The following AGT variants were observed in gnomAD, a reference collection of about 807,000 sequenced individuals.
The protein encoded by AGT is alpha-1 antiproteinase, antitrypsin.
In AGT, 26 loss-of-function variants were observed where a neutral mutation model predicts 28.1. The observed-to-expected ratio is 0.92, with a 90% CI of 0.68 to 1.28. The LOEUF is 1.28. AGT is among the 50% of genes most tolerant of loss of function. The probability of loss-of-function intolerance (pLI) is 0.00; values close to 1 mark genes in which losing one functional copy is unlikely to be tolerated. For synonymous variants in AGT, 259 were observed against 259.6 expected (o/e 1.00, Z 0.02); for missense variants, 596 against 592.3 (o/e 1.01, Z -0.06).
intron 1 of AGT, among the ~76,000 whole-genome samples, chr1:230,724,649 C>A (rs144177338): frequency 6.6e-6 from 1 of 151,978 alleles, no homozygotes; most frequent in Admixed American, 6.6e-5. Flanking sequence ...CATGGCAAAA[C>A]CCCATCTATA....
chr1:230,745,038 C>T (rs1216240924), intron 1 of AGT, among the ~76,000 whole-genome samples: 1 of 152,238 alleles, frequency 6.6e-6, no homozygotes, highest in Non-Finnish European at 1.5e-5. Context: ...GGCAATGGGA[C>T]ACTCCTGGGC....
chr1:230,742,323 T>C (rs946676434), intron 1 of AGT, among the ~76,000 whole-genome samples: 2 of 152,228 alleles, frequency 1.3e-5, no homozygotes, highest in Non-Finnish European at 2.9e-5. Context: ...TTCTTTTTTC[T>C]TTTTCTTTTT....
At chr1:230,723,420 C>G (rs1663882979) in intron 1 of AGT, among the ~76,000 whole-genome samples, 1 of 152,178 alleles carries the variant, frequency 6.6e-6, no homozygotes, top group African/African-American at 2.4e-5. Context: ...TTCAAGAATT[C>G]AATTCTATTA....
At chr1:230,720,490 A>C (rs1360073255) in intron 1 of AGT, among the ~76,000 whole-genome samples, 1 of 148,594 alleles carries the variant, frequency 6.7e-6, no homozygotes, top group African/African-American at 2.5e-5. Context: ...GGAGGCAGCC[A>C]AATGCCTAGG....
At chr1:230,729,226 C>A (rs1268488091) in intron 1 of AGT, among the ~76,000 whole-genome samples, 2 of 152,214 alleles carry the variant, frequency 1.3e-5, no homozygotes, top group African/African-American at 4.8e-5. Context: ...CCGCACTCAG[C>A]AACAGCCTGT....
intron 1 of AGT, among the ~76,000 whole-genome samples, chr1:230,731,768 G>A (rs990321181): frequency 2.0e-5 from 3 of 152,180 alleles, no homozygotes; most frequent in African/African-American, 4.8e-5. Context: ...TCAGGAGGCT[G>A]AGGAAGGAGA....
intron 1 of AGT, among the ~76,000 whole-genome samples, chr1:230,740,460 A>G (rs1359095575): frequency 6.6e-6 from 1 of 152,184 alleles, no homozygotes; most frequent in Non-Finnish European, 1.5e-5. Flanking sequence ...TTCTGGCTCA[A>G]ACACCTCTGA....
rs1247167295 is a variant in AGT, at chr1:230,710,429, C to G, written c.395G>C (p.Gly132Ala). ...TCCCAGATAGAGAGAGGCCAGGGTG[C>G]CAAAGACAGCCGTTGGGGAGAGGAC... ...ATVLSPTAVF[G>A]TLASLYLGAL... The change falls in exon 2 of 5, where the codon GGC becomes GCC. Residue 132 changes from glycine to alanine, a missense_variant. By Grantham distance (60) the Gly-to-Ala change is moderately conservative. Coordinates refer to ENST00000366667, the MANE Select transcript of AGT (RefSeq NM_001384479.1). The G allele has an allele frequency of 6.2e-7, 1 of 1,614,096 alleles. No homozygotes were observed. Among genetic ancestry groups the G allele is most frequent in the Non-Finnish European group, 8.5e-7 (1 of 1,180,030 alleles).
At position 230,712,862 on chromosome 1, in the gene AGT, C is replaced by T. The variant is rs146665257; in HGVS notation, c.-31+1224G>A. Among the ~76,000 whole-genome samples, 42 of 152,244 alleles carry T rather than the reference C, an allele frequency of 2.8e-4. 1 individual carries two copies. The highest frequency in any genetic ancestry group is 3.4e-3 in the Middle Eastern group (1 of 294). ...GACACCCTCGCCCTGAGTGCCCCTC[C>T]GCCTTCTCCTCTCCTGCCCCTGCCT... On this transcript the variant is annotated intron_variant, in intron 1 of 4. Coordinates refer to ENST00000366667, the MANE Select transcript of AGT (RefSeq NM_001384479.1).
At chr1:230,741,034 A>C (rs1163511647) in intron 1 of AGT, among the ~76,000 whole-genome samples, 1 of 152,194 alleles carries the variant, frequency 6.6e-6, no homozygotes, top group Non-Finnish European at 1.5e-5. Context: ...AGATCTGTGC[A>C]TAGCATCAAC....
At position 230,704,100 on chromosome 1, in the gene AGT, AC is replaced by A. The variant is rs1428209294; in HGVS notation, c.1242+92del. On this transcript the variant is annotated intron_variant, in intron 4 of 4. Coordinates refer to ENST00000366667, the MANE Select transcript of AGT (RefSeq NM_001384479.1). ...CGCTCCCTCTTGCCCTGCTGGCCCC[AC>A]CCATAGCCTCCTCTGTGTCCCTTAC... The A allele has an allele frequency of 1.3e-5, 20 of 1,595,394 alleles. No individual in the cohort carries two copies. In the South Asian group the frequency reaches 2.1e-4, roughly 17 times the overall value.
intron 1 of AGT, among the ~76,000 whole-genome samples, chr1:230,742,408 C>T (rs1044676214): frequency 2.8e-4 from 42 of 152,162 alleles, no homozygotes; most frequent in African/African-American, 6.0e-4. Context: ...CTCCACCTCC[C>T]GGGTTCAAGC....
chr1:230,709,137 A>G (rs1372385001), intron 2 of AGT, among the ~76,000 whole-genome samples: 1 of 152,178 alleles, frequency 6.6e-6, no homozygotes, highest in Non-Finnish European at 1.5e-5. Flanking sequence ...GCAGCTCCAA[A>G]TCCTAGGCAT....
At chr1:230,745,205 T>C (rs1664326153) in intron 1 of AGT, among the ~76,000 whole-genome samples, 1 of 152,150 alleles carries the variant, frequency 6.6e-6, no homozygotes, top group Non-Finnish European at 1.5e-5. Context: ...AAGGAGACCA[T>C]GAAATTCAGC....
At chr1:230,713,838 C>T (rs1248347646) in intron 1 of AGT, among the ~76,000 whole-genome samples, 7 of 152,178 alleles carry the variant, frequency 4.6e-5, no homozygotes, top group Admixed American at 1.3e-4. Context: ...AGGACCCTAA[C>T]TTTTCTCAGC....
At chr1:230,705,333 C>A (rs1663351759) in intron 3 of AGT, among the ~76,000 whole-genome samples, 1 of 152,200 alleles carries the variant, frequency 6.6e-6, no homozygotes, top group African/African-American at 2.4e-5. Flanking sequence ...TCACTCAATG[C>A]CTGCCTCTGG....
At chr1:230,704,880 C>G in intron 3 of AGT, among the ~76,000 whole-genome samples, 1 of 152,186 alleles carries the variant, frequency 6.6e-6, no homozygotes, top group East Asian at 1.9e-4. Context: ...TAAGAGCTGA[C>G]AGTACACCCA....
Position 230,704,317 on chromosome 1 carries a change from G to A in AGT, c.1118C>T (p.Pro373Leu). The A allele has an allele frequency of 1.2e-6, 2 of 1,614,202 alleles. No individual in the cohort carries two copies. The highest frequency in any genetic ancestry group is 1.7e-6 in the Non-Finnish European group (2 of 1,180,042). Residue 373 changes from proline to leucine, a missense_variant, in exon 4 of 5, where the codon CCC (proline) becomes CTC (leucine). Physicochemically the swap from Pro to Leu is moderately conservative, Grantham distance 98 (BLOSUM62 -3). Coordinates refer to ENST00000366667, the MANE Select transcript of AGT (RefSeq NM_001384479.1). ...ATAAGATCCTTGCAGCACCAGTTGG[G>A]GCATGGTCAGGTGGATGGTCCTGGG... ...LSPRTIHLTM[P>L]QLVLQGSYDL... is the part of the protein sequence containing the mutation.
Position 230,710,004 on chromosome 1 carries a change from G to T in AGT, c.820C>A (p.His274Asn). The change falls in exon 2 of 5, where the codon CAC becomes AAC. Residue 274 changes from histidine (H) to asparagine (N), a missense_variant. Coordinates refer to ENST00000366667, the MANE Select transcript of AGT (RefSeq NM_001384479.1). ...GAGAGGTTTGCCTTACCTTGGAAGT[G>T]GACGTAGGTGTTGAAAGCCAGGGTG... The part of the protein sequence containing the change: ...DSTLAFNTYV[H>N]FQGKMKGFSL... 1 of 1,614,196 alleles carries T rather than the reference G, an allele frequency of 6.2e-7. No individual in the cohort carries two copies. The highest frequency in any genetic ancestry group is 1.1e-5 in the South Asian group (1 of 91,082).
Sources: gnomAD v4.1 joint callset for allele counts (sites outside exome capture counted in the v4.1 genomes callset) on GRCh38, gnomAD v4.1.1 for gene constraint, MANE v1.5 for transcripts, NCBI Gene and HGNC (gene_info 2026-07-23, HGNC 2026-07-21) for gene names.